BLOC1S5: variants seen among roughly 807,000 people sequenced by gnomAD.
BLOC1S5 encodes biogenesis of lysosomal organelles complex 1 subunit 5.
Under a neutral mutation model 24.3 loss-of-function variants are expected in BLOC1S5, and 27 were observed. That is an observed-to-expected ratio of 1.11 (90% CI 0.82 to 1.53). BLOC1S5 has a LOEUF of 1.53. Among genes scored for constraint, BLOC1S5 ranks in the 40% most tolerant of loss-of-function variants. The pLI, the probability that BLOC1S5 is intolerant of heterozygous loss-of-function variation, is 0.00. For missense variants in BLOC1S5, 239 were observed against 229.4 expected (o/e 1.04, Z -0.27); for synonymous variants, 84 against 74.5 (o/e 1.13, Z -0.66).
intron 2 of BLOC1S5, among the ~76,000 whole-genome samples, chr6:8,061,815 T>A (rs981996200): frequency 6.6e-6 from 1 of 152,196 alleles, no homozygotes; most frequent in South Asian, 2.1e-4. Context: ...ACTACAGTAA[T>A]AGGAAACAAG....
Position 8,022,915 on chromosome 6 carries a change from T to C in BLOC1S5, c.384+3452A>G, listed in dbSNP as rs187017592. Among the ~76,000 whole-genome samples the C allele has an allele frequency of 2.6e-5, 4 of 152,326 alleles. No individual in the cohort carries two copies. The East Asian group carries it at 5.8e-4, about 22-fold the overall frequency. ...TCTATTTAAAACAATGTACAAGCCA[T>C]GTGAACTTGTTGCTCTCATGAAAGT... is the stretch of plus-strand genomic sequence containing the variant. On this transcript the variant is annotated intron_variant, in intron 4 of 4. Coordinates refer to ENST00000397457, the MANE Select transcript of BLOC1S5 (RefSeq NM_201280.3).
chr6:8,024,747 T>A (rs17143306), intron 4 of BLOC1S5, among the ~76,000 whole-genome samples: 2,929 of 149,732 alleles, frequency 0.02, 89 homozygotes, highest in African/African-American at 0.067. Flanking sequence ...AGGAAAAAAA[T>A]GCTGCCCTAC....
intron 3 of BLOC1S5, among the ~76,000 whole-genome samples, chr6:8,032,731 T>C (rs368735121): frequency 2.0e-4 from 30 of 152,296 alleles, no homozygotes; most frequent in African/African-American, 6.7e-4. Context: ...GAAAACCCCA[T>C]CGTCTCAGCC....
intron 3 of BLOC1S5, among the ~76,000 whole-genome samples, chr6:8,039,801 C>T (rs765503091): frequency 3.9e-4 from 60 of 152,140 alleles, no homozygotes; most frequent in Admixed American, 9.2e-4. Context: ...CCTGAGCTTA[C>T]AGGACTCAAA....
At chr6:8,022,134 G>C (rs556948463) in intron 4 of BLOC1S5, among the ~76,000 whole-genome samples, 1 of 151,424 alleles carries the variant, frequency 6.6e-6, no homozygotes, top group Non-Finnish European at 1.5e-5. Context: ...GCAGAGATTC[G>C]TCTAAGTCAG....
intron 3 of BLOC1S5, 150 bp downstream of exon 3, chr6:8,040,989 G>A (rs1763659341): frequency 1.4e-6 from 1 of 731,350 alleles, no homozygotes; most frequent in Admixed American, 3.3e-5. Context: ...ATTAATTAAT[G>A]GCAACACACA....
At chr6:8,064,391 C>G (rs755683626), upstream of BLOC1S5, 13 of 1,601,412 alleles carry the variant, frequency 8.1e-6, no homozygotes, top group Middle Eastern at 1.7e-4. Context: ...ACCAGTTCCG[C>G]CCACCCGCGG....
chr6:8,020,469 C>G (rs772852666), intron 4 of BLOC1S5, among the ~76,000 whole-genome samples: 25 of 152,194 alleles, frequency 1.6e-4, no homozygotes, highest in Admixed American at 1.3e-4. Context: ...CAGTTCTTCT[C>G]CCCCAAAACA....
chr6:8,021,617 T>C (rs1454845539), intron 4 of BLOC1S5, among the ~76,000 whole-genome samples: 2 of 151,496 alleles, frequency 1.3e-5, no homozygotes, highest in Non-Finnish European at 2.9e-5. Context: ...TAGTAATAAA[T>C]AAATTTAGAA....
chr6:8,062,702 G>A, intron 1 of BLOC1S5, 86 bp from the exon 2 acceptor site: 1 of 861,138 alleles, frequency 1.2e-6, no homozygotes, highest in South Asian at 1.8e-5. Flanking sequence ...TCCCCACTAA[G>A]AGATGAAGGT....
intron 2 of BLOC1S5, among the ~76,000 whole-genome samples, chr6:8,052,177 C>T (rs888748976): frequency 4.0e-5 from 6 of 151,856 alleles, no homozygotes; most frequent in African/African-American, 1.5e-4. Flanking sequence ...CCGTGTTAGC[C>T]AGGATGGTCT....
At chr6:8,035,559 C>A (rs912716813) in intron 3 of BLOC1S5, among the ~76,000 whole-genome samples, 1 of 152,094 alleles carries the variant, frequency 6.6e-6, no homozygotes, top group African/African-American at 2.4e-5. Context: ...TTCCATGCAA[C>A]TGGAGACCAA....
chr6:8,016,569 CGAGAAA>C (rs1466896491), intron 4 of BLOC1S5, among the ~76,000 whole-genome samples: 1 of 152,068 alleles, frequency 6.6e-6, no homozygotes, highest in East Asian at 1.9e-4. Flanking sequence ...GAAGAGAACT[CGAGAAA>C]TCTCTTCTGG....
chr6:8,029,932 T>C (rs1414850959), intron 3 of BLOC1S5, among the ~76,000 whole-genome samples: 2 of 152,096 alleles, frequency 1.3e-5, no homozygotes, highest in Non-Finnish European at 2.9e-5. Flanking sequence ...AATAAATAAC[T>C]AATGCTTCAA....
Position 8,015,719 on chromosome 6 carries a change from T to G in BLOC1S5, c.494A>C (p.Lys165Thr). Residue 165 changes from lysine (K) to threonine (T), a missense_variant, in exon 5 of 5, where the codon AAA becomes ACA. Physicochemically the swap from Lys to Thr is moderately conservative, Grantham distance 78. Transcript: ENST00000397457. ...KRAEVDEEHRKAMERLKEQYA... is the reference protein window; with the variant it reads ...KRAEVDEEHRTAMERLKEQYA... The stretch of plus-strand genomic sequence containing the variant: ...TTGTTCTTTAAGCCTTTCCATGGCT[T>G]TTCTGTGCTCTTCATCCACTTCAGC... 6.2e-7 allele frequency: 1 copy of G among 1,614,192 alleles called. No homozygotes were observed. Among genetic ancestry groups the G allele is most frequent in the Non-Finnish European group, 8.5e-7 (1 of 1,180,022 alleles).
intron 2 of BLOC1S5, among the ~76,000 whole-genome samples, chr6:8,043,214 T>C (rs1000587281): frequency 6.6e-6 from 1 of 152,138 alleles, no homozygotes; most frequent in Non-Finnish European, 1.5e-5. Context: ...TGAGGGTGGG[T>C]TATACTTAGT....
intron 2 of BLOC1S5, chr6:8,041,938 G>T (rs1352096301): frequency 2.0e-5 from 3 of 152,178 alleles, no homozygotes; most frequent in Non-Finnish European, 4.4e-5. Flanking sequence ...GAGCCACCGC[G>T]CCCGGCCTAA....
chr6:8,054,207 T>C (rs1764234346), intron 2 of BLOC1S5: 2 of 434,880 alleles, frequency 4.6e-6, no homozygotes. Context: ...CAGCATCCTT[T>C]TACTTCCAGT....
At position 8,041,124 on chromosome 6, in the gene BLOC1S5, G is replaced by T; in HGVS notation, c.325+15C>A. The T allele has an allele frequency of 6.4e-7, 1 of 1,561,208 alleles. No individual in the cohort carries two copies. Among genetic ancestry groups the T allele is most frequent in the Non-Finnish European group, 8.7e-7 (1 of 1,155,496 alleles). ...TTTGAAATGAAAAGCAATTAAAAAA[G>T]AATTGCTGACTCACATCTCTGGAGA... On this transcript the variant is annotated intron_variant, in intron 3 of 4. Coordinates refer to ENST00000397457, the MANE Select transcript of BLOC1S5 (RefSeq NM_201280.3).
Sources: gnomAD v4.1 joint callset for allele counts (sites outside exome capture counted in the v4.1 genomes callset) on GRCh38, gnomAD v4.1.1 for gene constraint, MANE v1.5 for transcripts, NCBI Gene and HGNC (gene_info 2026-07-23, HGNC 2026-07-21) for gene names.